RYR2: variants seen among roughly 807,000 people sequenced by gnomAD.
The protein encoded by RYR2 is ryanodine receptor 2, also known as cardiac muscle ryanodine receptor-calcium release channel.
In RYR2, 227 loss-of-function variants were observed where a neutral mutation model predicts 601.1. The observed-to-expected ratio is 0.38, with a 90% confidence interval of 0.34 to 0.42. The LOEUF is 0.42. RYR2 is among the 10% of genes least tolerant of loss of function. The pLI is 1.00. For synonymous variants in RYR2, 2,223 were observed against 2,175.1 expected (o/e 1.02, Z -0.61); for missense variants, 4,646 against 6,156.5 (o/e 0.75, Z 8.21).
intron 38 of RYR2, among the ~76,000 whole-genome samples, chr1:237,618,696 A>G (rs1158359831): frequency 2.0e-5 from 3 of 152,146 alleles, no homozygotes; most frequent in Non-Finnish European, 2.9e-5. Context: ...AAAACCACAG[A>G]AAAAACTGTT....
intron 1 of RYR2, among the ~76,000 whole-genome samples, chr1:237,092,705 T>G (rs1667107080): frequency 6.6e-6 from 1 of 152,100 alleles, no homozygotes; most frequent in African/African-American, 2.4e-5. Flanking sequence ...ATTTTTTGTA[T>G]TTTTAGTTGA....
At chr1:237,308,348 G>A (rs990645172) in intron 2 of RYR2, among the ~76,000 whole-genome samples, 1 of 152,124 alleles carries the variant, frequency 6.6e-6, no homozygotes, top group South Asian at 2.1e-4. Context: ...TTTCAGGAAC[G>A]TCCTACTCTG....
chr1:237,757,402 T>C (rs1332091428), intron 81 of RYR2, among the ~76,000 whole-genome samples: 3 of 152,194 alleles, frequency 2.0e-5, no homozygotes, highest in Non-Finnish European at 4.4e-5. Context: ...TCTTGAATCT[T>C]AATAATTTCA....
At chr1:237,375,707 T>C (rs1700974684) in intron 7 of RYR2, among the ~76,000 whole-genome samples, 1 of 152,226 alleles carries the variant, frequency 6.6e-6, no homozygotes, top group South Asian at 2.1e-4. Context: ...AAATATATTA[T>C]TCTGATTTTG....
At chr1:237,229,327 T>G (rs1232592476) in intron 1 of RYR2, among the ~76,000 whole-genome samples, 1 of 152,220 alleles carries the variant, frequency 6.6e-6, no homozygotes, top group Non-Finnish European at 1.5e-5. Flanking sequence ...AGTATTATAG[T>G]TTTTCACCTT....
At chr1:237,144,741 A>G (rs922953239) in intron 1 of RYR2, among the ~76,000 whole-genome samples, 2 of 152,200 alleles carry the variant, frequency 1.3e-5, no homozygotes, top group Non-Finnish European at 2.9e-5. Context: ...ACTCTATCAT[A>G]TTCCTTGTGC....
At chr1:237,529,494 C>T (rs1486400886) in intron 24 of RYR2, among the ~76,000 whole-genome samples, 6 of 151,808 alleles carry the variant, frequency 4.0e-5, no homozygotes, top group East Asian at 3.9e-4. Flanking sequence ...ATATAATGTA[C>T]GTATATGTAT....
chr1:237,069,109 G>C (rs903758566), intron 1 of RYR2, among the ~76,000 whole-genome samples: 4 of 152,124 alleles, frequency 2.6e-5, no homozygotes, highest in African/African-American at 7.2e-5. Context: ...ATTAAATTCT[G>C]CTCTTCATTG....
chr1:237,125,257 G>C (rs570840442), intron 1 of RYR2, among the ~76,000 whole-genome samples: 2 of 152,084 alleles, frequency 1.3e-5, no homozygotes, highest in African/African-American at 4.8e-5. Flanking sequence ...CCCAGGCCTC[G>C]GAGGTTCGGT....
chr1:237,694,887 A>G (rs1687280474), intron 63 of RYR2, among the ~76,000 whole-genome samples: 3 of 152,178 alleles, frequency 2.0e-5, no homozygotes. Context: ...AGAAATTTGT[A>G]AGTTCTGGCA....
chr1:237,537,587 T>C (rs1668782772), intron 25 of RYR2, among the ~76,000 whole-genome samples: 1 of 152,188 alleles, frequency 6.6e-6, no homozygotes, highest in Non-Finnish European at 1.5e-5. Context: ...ATTGCTGGGA[T>C]TACAGGTGTG....
chr1:237,192,506 C>A (rs562368565), intron 1 of RYR2, among the ~76,000 whole-genome samples: 1 of 152,204 alleles, frequency 6.6e-6, no homozygotes, highest in Non-Finnish European at 1.5e-5. Context: ...TGAGCCACAG[C>A]GCCTAGCCAA....
intron 63 of RYR2, 102 bp from the exon 64 acceptor site, chr1:237,698,863 T>C: frequency 1.6e-6 from 1 of 630,684 alleles, no homozygotes; most frequent in Non-Finnish European, 2.8e-6. Context: ...AAAATATTAC[T>C]GTTGTGTCAT....
chr1:237,804,550 C>G lies in RYR2; in HGVS notation c.14152-1587C>G, dbSNP rs564236302. ...GAGACTGTAGTCCCATAAGTAAGAGCAGCCACCATATTTTTATTCTGCATT... is the reference window on the plus strand; with the variant it reads ...GAGACTGTAGTCCCATAAGTAAGAGGAGCCACCATATTTTTATTCTGCATT... On this transcript the variant is annotated intron_variant, in intron 98 of 104. Coordinates refer to ENST00000366574, the MANE Select transcript of RYR2 (RefSeq NM_001035.3). Among the ~76,000 whole-genome samples, 84 of 152,194 alleles carry G rather than the reference C, an allele frequency of 5.5e-4. 1 individual carries two copies. Among genetic ancestry groups the G allele is most frequent in the African/African-American group, 2.0e-3 (82 of 41,536 alleles).
intron 17 of RYR2, among the ~76,000 whole-genome samples, chr1:237,483,231 T>A (rs1662314310): frequency 6.6e-6 from 1 of 152,208 alleles, no homozygotes; most frequent in Non-Finnish European, 1.5e-5. Flanking sequence ...ACGACTATCA[T>A]CACTGCTCCA....
At chr1:237,232,287 G>A (rs1201047145) in intron 1 of RYR2, among the ~76,000 whole-genome samples, 1 of 152,150 alleles carries the variant, frequency 6.6e-6, no homozygotes. Flanking sequence ...GGGAGGGGGA[G>A]AGGGTCTGAA....
At chr1:237,787,176 TTAA>T (rs1657699829) in intron 91 of RYR2, among the ~76,000 whole-genome samples, 1 of 151,600 alleles carries the variant, frequency 6.6e-6, no homozygotes, top group African/African-American at 2.4e-5. Context: ...TTTATTTTAT[TTAA>T]TAAAATTAAT....
chr1:237,158,463 G>A (rs1315429580), intron 1 of RYR2, among the ~76,000 whole-genome samples: 1 of 152,108 alleles, frequency 6.6e-6, no homozygotes, highest in Non-Finnish European at 1.5e-5. Flanking sequence ...CTTCTCCCGG[G>A]CTTTGAAGGA....
At chr1:237,565,169 T>TG (rs1671881081) in intron 27 of RYR2, among the ~76,000 whole-genome samples, 1 of 23,992 alleles carries the variant, frequency 4.2e-5, no homozygotes, top group Non-Finnish European at 1.2e-4. Flanking sequence ...CTTTCTTTCT[T>TG]TCTTTCTTTC....
Sources: gnomAD v4.1 joint callset for allele counts (sites outside exome capture counted in the v4.1 genomes callset) on GRCh38, gnomAD v4.1.1 for gene constraint, MANE v1.5 for transcripts, NCBI Gene and HGNC (gene_info 2026-07-23, HGNC 2026-07-21) for gene names.